USP20: variants seen among roughly 807,000 people sequenced by gnomAD.
USP20 encodes the protein ubiquitin specific peptidase 20, also known as ubiquitin carboxyl-terminal hydrolase 20.
A neutral mutation model predicts 124.2 loss-of-function variants in USP20; 80 were observed. The observed-to-expected ratio is 0.64, with a 90% confidence interval of 0.54 to 0.78. The LOEUF (loss-of-function observed/expected upper bound fraction) is 0.78. Ranked by LOEUF, USP20 falls within the 30% of genes least tolerant of loss-of-function variation. USP20 has a pLI of 0.00. For synonymous variants in USP20, 481 were observed against 512.3 expected, an observed-to-expected ratio of 0.94 and a Z score of 0.83; for missense variants, 1,043 against 1,244.4, an observed-to-expected ratio of 0.84 and a Z score of 2.44.
At chr9:129,871,342 TC>T (rs755406731) in intron 15 of USP20, among the ~76,000 whole-genome samples, 1 of 146,166 alleles carries the variant, frequency 6.8e-6, no homozygotes, top group Non-Finnish European at 1.5e-5. Context: ...AGCGTGTGTG[TC>T]GGAATGCCCT....
intron 10 of USP20, among the ~76,000 whole-genome samples, chr9:129,865,805 T>G (rs919216878): frequency 2.6e-5 from 4 of 152,078 alleles, no homozygotes; most frequent in Non-Finnish European, 5.9e-5. Context: ...GCTGTGATTA[T>G]AGGCATGAGC....
Position 129,868,951 on chromosome 9 carries a change from C to T in USP20, c.1225C>T (p.Pro409Ser), listed in dbSNP as rs1355722223. The T allele has an allele frequency of 6.2e-7, 1 of 1,612,764 alleles. No homozygotes were observed. Among genetic ancestry groups the T allele is most frequent in the Admixed American group, 1.7e-5 (1 of 59,886 alleles). ...GGGCCATGCCAAGCTGTCTAGCAGC[C>T]CCCCTCGTGCAAGCCCCGTGAGGAT... ...HEGHAKLSSS[P>S]PRASPVRMAP... The change falls in exon 12 of 26, where the codon CCC becomes TCC. Residue 409 changes from proline to serine, a missense_variant. Physicochemically the swap from Pro to Ser is moderately conservative, Grantham distance 74. Coordinates refer to ENST00000372429, the MANE Select transcript of USP20 (RefSeq NM_001110303.4).
At chr9:129,840,317 T>G (rs745353306) in intron 1 of USP20, among the ~76,000 whole-genome samples, 1 of 152,196 alleles carries the variant, frequency 6.6e-6, no homozygotes, top group South Asian at 2.1e-4. Context: ...GCTTCCTGTC[T>G]GGGACCTTCC....
intron 4 of USP20, among the ~76,000 whole-genome samples, chr9:129,857,762 C>T (rs1359158590): frequency 6.6e-6 from 1 of 152,200 alleles, no homozygotes; most frequent in Non-Finnish European, 1.5e-5. Flanking sequence ...AGCAGCCAGG[C>T]CCCAGCTGGG....
intron 19 of USP20, 43 bp downstream of exon 19, chr9:129,874,998 C>T (rs775561651): frequency 8.7e-6 from 14 of 1,603,612 alleles, no homozygotes; most frequent in South Asian, 5.6e-5. Context: ...TCACCATCCC[C>T]GTCCCCTGGG....
intron 15 of USP20, among the ~76,000 whole-genome samples, chr9:129,872,169 T>C (rs2034159998): frequency 6.6e-6 from 1 of 151,918 alleles, no homozygotes; most frequent in South Asian, 2.1e-4. Context: ...CTTTTTTTTC[T>C]TGAGACAGAG....
At chr9:129,867,074 G>C (rs1440590537) in intron 10 of USP20, among the ~76,000 whole-genome samples, 1 of 152,190 alleles carries the variant, frequency 6.6e-6, no homozygotes, top group African/African-American at 2.4e-5. Flanking sequence ...GCCTCCTGGG[G>C]ATCAGAGCCT....
intron 3 of USP20, among the ~76,000 whole-genome samples, chr9:129,853,388 A>G (rs2033035584): frequency 6.6e-6 from 1 of 152,180 alleles, no homozygotes; most frequent in Non-Finnish European, 1.5e-5. Flanking sequence ...ATATTTCATC[A>G]TGTGGCCACA....
intron 2 of USP20, 93 bp downstream of exon 2, chr9:129,850,017 AT>A (rs1222314630): frequency 6.8e-6 from 1 of 146,546 alleles, no homozygotes; most frequent in Non-Finnish European, 1.5e-5. Flanking sequence ...AATTGTGATT[AT>A]GGGGTTTTTT....
intron 7 of USP20, among the ~76,000 whole-genome samples, chr9:129,861,290 C>T (rs1250192553): frequency 1.3e-5 from 2 of 152,186 alleles, no homozygotes; most frequent in African/African-American, 4.8e-5. Flanking sequence ...GCTGTATGGT[C>T]TGGACAGTGG....
chr9:129,851,543 T>G (rs1273762506), intron 2 of USP20, among the ~76,000 whole-genome samples: 4 of 146,942 alleles, frequency 2.7e-5, no homozygotes, highest in Admixed American at 2.7e-4. Context: ...ATTTGCACTT[T>G]TAACACACGT....
chr9:129,873,852 C>A, intron 17 of USP20, 108 bp downstream of exon 17: 2 of 1,371,544 alleles, frequency 1.5e-6, no homozygotes, highest in Non-Finnish European at 2.0e-6. Flanking sequence ...TTCTGTGCTG[C>A]AGGGGCCGTG....
chr9:129,868,775 T>C lies in USP20; in HGVS notation c.1136-87T>C, dbSNP rs79363966. 4.2e-3 allele frequency: 6,313 copies of C among 1,495,194 alleles called. 234 individuals carry two copies. The African/African-American group carries it at 0.079, about 19-fold the overall frequency. 92.6% of individuals were successfully genotyped at this position (1,495,194 alleles called of 1,614,324 possible). On this transcript the variant is annotated intron_variant, in intron 11 of 25. Transcript: ENST00000372429. ...CATTAGGGTCAGGCTTTCGTCCCTT[T>C]AGGAGGGGCTGGCAGGTCATCTTCC... is the stretch of plus-strand genomic sequence containing the variant.
At position 129,849,908 on chromosome 9, in the gene USP20, C is replaced by G. The variant is rs1030012438; in HGVS notation, c.-33C>G. On this transcript the variant is annotated 5_prime_UTR_variant, in exon 2 of 26. Coordinates refer to ENST00000372429, the MANE Select transcript of USP20 (RefSeq NM_001110303.4). ...GCGAATGCTGGCCGCTTCCTGTGGG[C>G]TTCGTGTCACCCAGAGGTAAGCCCA... The G allele has an allele frequency of 1.3e-5, 2 of 152,248 alleles. No homozygotes were observed. Among genetic ancestry groups the G allele is most frequent in the African/African-American group, 4.8e-5 (2 of 41,478 alleles). 9.4% of individuals were successfully genotyped at this position (152,248 alleles called of 1,614,324 possible). A position where few individuals can be genotyped will look rare whatever the true frequency, so the allele number is the denominator to read the frequency against.
At chr9:129,862,688 C>T (rs2033611874) in intron 8 of USP20, among the ~76,000 whole-genome samples, 1 of 152,104 alleles carries the variant, frequency 6.6e-6, no homozygotes, top group Non-Finnish European at 1.5e-5. Flanking sequence ...AGTGGATCGC[C>T]TGAGGTCAGG....
At chr9:129,854,069 T>C (rs1369546718) in intron 3 of USP20, among the ~76,000 whole-genome samples, 2 of 152,344 alleles carry the variant, frequency 1.3e-5, no homozygotes, top group South Asian at 2.1e-4. Context: ...CTGAAAAAGA[T>C]GGCTGACTTC....
At position 129,861,001 on chromosome 9, in the gene USP20, C is replaced by G. The variant is rs750291472; in HGVS notation, c.395C>G (p.Ser132Cys). 2.5e-6 allele frequency: 4 copies of G among 1,612,524 alleles called. No individual in the cohort carries two copies. The South Asian group carries it at 4.4e-5, about 18-fold the overall frequency. The change falls in exon 7 of 26, where the codon TCT becomes TGT. Residue 132 changes from serine to cysteine, a missense_variant. Physicochemically the swap from Ser to Cys is moderately radical, Grantham distance 112. Coordinates refer to ENST00000372429, the MANE Select transcript of USP20 (RefSeq NM_001110303.4). ...ATTGCTGTGGCTGATGAAGGAGAGT[C>G]TGAGTCAGAGGACGATGACCTGAAA... ...VPIAVADEGESESEDDDLKPR... is the reference protein window; with the variant it reads ...VPIAVADEGECESEDDDLKPR...
intron 10 of USP20, among the ~76,000 whole-genome samples, chr9:129,867,595 C>T (rs2033882908): frequency 6.6e-6 from 1 of 152,082 alleles, no homozygotes; most frequent in South Asian, 2.1e-4. Context: ...ATCCTTCCGC[C>T]ACCCCCCTGC....
At chr9:129,843,755 A>G (rs969067026) in intron 1 of USP20, among the ~76,000 whole-genome samples, 3 of 151,926 alleles carry the variant, frequency 2.0e-5, no homozygotes, top group Admixed American at 6.6e-5. Context: ...ACAAAACAAA[A>G]CAAAACAAAA....
Sources: gnomAD v4.1 joint callset for allele counts (sites outside exome capture counted in the v4.1 genomes callset) on GRCh38, gnomAD v4.1.1 for gene constraint, MANE v1.5 for transcripts, NCBI Gene and HGNC (gene_info 2026-07-23, HGNC 2026-07-21) for gene names.